The following EPHA6 variants were observed in gnomAD, a reference collection of about 807,000 sequenced individuals.
The protein encoded by EPHA6 is ephrin type-A receptor 6.
A neutral mutation model predicts 112.0 loss-of-function variants in EPHA6; 50 were observed. The ratio of observed to expected loss-of-function variants is 0.45; its 90% CI spans 0.36 to 0.56. The LOEUF is 0.56. Ranked by LOEUF, EPHA6 falls within the 20% of genes least tolerant of loss-of-function variation. The pLI, the probability that EPHA6 is intolerant of heterozygous loss-of-function variation, is 0.00. For synonymous variants in EPHA6, 529 were observed against 490.7 expected (o/e 1.08, Z -1.03); for missense variants, 1,280 against 1,417.4 (o/e 0.90, Z 1.56).
At chr3:97,211,913 T>C (rs562562945) in intron 3 of EPHA6, among the ~76,000 whole-genome samples, 6 of 152,348 alleles carry the variant, frequency 3.9e-5, no homozygotes, top group African/African-American at 1.4e-4. Flanking sequence ...AAATATTATA[T>C]GCAAAGTGCT....
Position 97,405,260 on chromosome 3 carries a change from A to G in EPHA6, c.1717A>G (p.Lys573Glu). ...SNGAILDYEI[K>E]YYEKEHEQLT... ...TGGAGCCATTCTGGACTACGAGATC[A>G]AGTACTATGAGAAAGTAGGTCTTAT... Residue 573 changes from lysine (K) to glutamate (E), a missense_variant, in exon 6 of 18, where the codon AAG (lysine) becomes GAG (glutamate). Lys to Glu is a moderately conservative substitution (Grantham distance 56). Transcript: ENST00000389672. 6.2e-7 allele frequency: 1 copy of G among 1,611,742 alleles called. No individual in the cohort carries two copies. Among genetic ancestry groups the G allele is most frequent in the Non-Finnish European group, 8.5e-7 (1 of 1,178,834 alleles).
intron 6 of EPHA6, among the ~76,000 whole-genome samples, chr3:97,408,969 A>G (rs562456811): frequency 6.6e-6 from 1 of 152,196 alleles, no homozygotes; most frequent in South Asian, 2.1e-4. Flanking sequence ...ATTGATTTCA[A>G]CCCTCAATCC....
intron 10 of EPHA6, among the ~76,000 whole-genome samples, chr3:97,526,281 TA>T (rs1468192605): frequency 6.6e-6 from 1 of 152,174 alleles, no homozygotes; most frequent in African/African-American, 2.4e-5. Flanking sequence ...GGTCTGGACC[TA>T]AATCCAGTGC....
Position 97,755,243 on chromosome 3 carries a change from G to T in EPHA6, c.*6542G>T, listed in dbSNP as rs539431183. On this transcript the variant is annotated 3_prime_UTR_variant, in exon 18 of 18. Transcript: ENST00000389672. Reference sequence around the variant, plus strand: ...AAGTAGCTCTTAAATGTTAAATAAAGATGTGGCTTCTATATTTAATTAAAA... The same window carrying T: ...AAGTAGCTCTTAAATGTTAAATAAATATGTGGCTTCTATATTTAATTAAAA... Among the ~76,000 whole-genome samples, 1 of 152,256 alleles carries T rather than the reference G, an allele frequency of 6.6e-6. No homozygotes were observed. Among genetic ancestry groups the T allele is most frequent in the East Asian group, 1.9e-4 (1 of 5,184 alleles).
chr3:97,614,501 A>ATTTTTTTTTTTTTTT (rs35126699), intron 13 of EPHA6, among the ~76,000 whole-genome samples: 1 of 98,266 alleles, frequency 1.0e-5, no homozygotes, highest in Non-Finnish European at 1.9e-5. Flanking sequence ...CACCCAGCTA[A>ATTTTTTTTTTTTTTT]TTTTTTTTTT....
At chr3:97,495,862 T>C (rs2091963775) in intron 10 of EPHA6, among the ~76,000 whole-genome samples, 2 of 152,210 alleles carry the variant, frequency 1.3e-5, no homozygotes, top group South Asian at 4.1e-4. Context: ...CCAATCCATG[T>C]GCATTTTTTA....
intron 3 of EPHA6, among the ~76,000 whole-genome samples, chr3:97,151,397 TG>T (rs2076167733): frequency 6.6e-6 from 1 of 152,188 alleles, no homozygotes; most frequent in African/African-American, 2.4e-5. Context: ...GCATAATTTT[TG>T]TGTTTTACAG....
intron 3 of EPHA6, among the ~76,000 whole-genome samples, chr3:97,178,799 T>C (rs1331777678): frequency 6.6e-6 from 1 of 152,120 alleles, no homozygotes; most frequent in African/African-American, 2.4e-5. Flanking sequence ...TCTTTGAGAG[T>C]TTGATCATTA....
chr3:96,841,672 C>A (rs7644167), intron 1 of EPHA6, among the ~76,000 whole-genome samples: 1 of 151,946 alleles, frequency 6.6e-6, no homozygotes, highest in South Asian at 2.1e-4. Context: ...AACGGAGATA[C>A]AGTTTGAGAG....
chr3:97,619,629 A>G (rs1349719463), intron 13 of EPHA6, among the ~76,000 whole-genome samples: 1 of 152,112 alleles, frequency 6.6e-6, no homozygotes, highest in African/African-American at 2.4e-5. Context: ...AACAACAGTC[A>G]GGCCAATAGC....
chr3:97,279,274 T>G (rs1036364572), intron 5 of EPHA6, among the ~76,000 whole-genome samples: 8 of 152,134 alleles, frequency 5.3e-5, no homozygotes, highest in Non-Finnish European at 1.0e-4. Flanking sequence ...ATTAATAGAT[T>G]TATTAATAGT....
intron 5 of EPHA6, among the ~76,000 whole-genome samples, chr3:97,269,704 A>T (rs1407788420): frequency 6.6e-6 from 1 of 152,064 alleles, no homozygotes; most frequent in Admixed American, 6.6e-5. Flanking sequence ...CCAGATGAAA[A>T]CATCATATAA....
chr3:97,644,779 A>C (rs1243043218), intron 14 of EPHA6, among the ~76,000 whole-genome samples: 6 of 151,792 alleles, frequency 4.0e-5, no homozygotes, highest in African/African-American at 1.2e-4. Flanking sequence ...CAGGAGCTGA[A>C]ATTGTGGCAA....
intron 3 of EPHA6, among the ~76,000 whole-genome samples, chr3:97,080,729 G>A (rs1559715154): frequency 6.6e-6 from 1 of 151,968 alleles, no homozygotes; most frequent in Non-Finnish European, 1.5e-5. Flanking sequence ...TGTTTCATAT[G>A]TATGTGGTTT....
chr3:97,687,214 G>T (rs1191423880), intron 14 of EPHA6, among the ~76,000 whole-genome samples: 1 of 151,918 alleles, frequency 6.6e-6, no homozygotes, highest in African/African-American at 2.4e-5. Context: ...TTTTTCGAGT[G>T]CTTTATATAT....
chr3:97,076,899 T>C (rs1391420083), intron 3 of EPHA6, among the ~76,000 whole-genome samples: 2 of 152,124 alleles, frequency 1.3e-5, no homozygotes, highest in African/African-American at 4.8e-5. Context: ...TTACCGAACA[T>C]TGTGGAGAGC....
At chr3:97,213,971 A>G (rs868498472) in intron 3 of EPHA6, among the ~76,000 whole-genome samples, 7 of 150,884 alleles carry the variant, frequency 4.6e-5, no homozygotes, top group South Asian at 2.1e-4. Flanking sequence ...CTTTACATAC[A>G]TTATCTAATC....
intron 11 of EPHA6, among the ~76,000 whole-genome samples, chr3:97,579,331 G>T (rs2093416541): frequency 6.6e-6 from 1 of 152,122 alleles, no homozygotes; most frequent in Non-Finnish European, 1.5e-5. Flanking sequence ...TACCTGGAAG[G>T]TATATATACT....
intron 14 of EPHA6, among the ~76,000 whole-genome samples, chr3:97,654,483 A>G (rs938978489): frequency 7.9e-5 from 12 of 152,108 alleles, no homozygotes; most frequent in African/African-American, 2.9e-4. Flanking sequence ...TTTTTAAAAG[A>G]TAATCTCAGA....
Sources: gnomAD v4.1 joint callset for allele counts (sites outside exome capture counted in the v4.1 genomes callset) on GRCh38, gnomAD v4.1.1 for gene constraint, MANE v1.5 for transcripts, NCBI Gene and HGNC (gene_info 2026-07-23, HGNC 2026-07-21) for gene names.